SOD1: variants seen among roughly 807,000 people sequenced by gnomAD.
SOD1 encodes the protein superoxide dismutase [Cu-Zn].
Under a neutral mutation model 15.9 loss-of-function variants are expected in SOD1, and 8 were observed. The ratio of observed to expected loss-of-function variants is 0.50; its 90% confidence interval spans 0.30 to 0.91. The LOEUF (loss-of-function observed/expected upper bound fraction) is 0.91. Among genes scored for constraint, SOD1 ranks in the 40% least tolerant of loss-of-function variants. The pLI is 0.07. For synonymous variants in SOD1, 86 were observed against 71.2 expected (o/e 1.21, Z -1.04); for missense variants, 137 against 194.5 (o/e 0.70, Z 1.76).
At chr21:31,663,393 C>T (rs1410046752) in intron 1 of SOD1, among the ~76,000 whole-genome samples, 1 of 152,110 alleles carries the variant, frequency 6.6e-6, no homozygotes, top group African/African-American at 2.4e-5. Context: ...CAAATATAAC[C>T]TATTCAAAAG....
At chr21:31,660,614 C>T (rs905731184) in intron 1 of SOD1, 1 of 152,182 alleles carries the variant, frequency 6.6e-6, no homozygotes, top group Non-Finnish European at 1.5e-5. Context: ...GTGATCTTAA[C>T]TTTGGGTGCA....
Position 31,659,719 on chromosome 21 carries a change from G to C in SOD1, c.-51G>C. ...CGTCGTAGTCTCCTGCAGCGTCTGG[G>C]GTTTCCGTTGCAGTCCTCGGAACCA... is the stretch of plus-strand genomic sequence containing the variant. On this transcript the variant is annotated 5_prime_UTR_variant, in exon 1 of 5. Transcript: ENST00000270142. 6.3e-7 allele frequency: 1 copy of C among 1,578,990 alleles called. No homozygotes were observed. The highest frequency in any genetic ancestry group is 8.7e-7 in the Non-Finnish European group (1 of 1,148,390).
intron 3 of SOD1, 188 bp from the exon 4 acceptor site, chr21:31,667,070 C>T (rs2049599894): frequency 3.2e-6 from 2 of 632,170 alleles, no homozygotes; most frequent in Non-Finnish European, 2.9e-6. Flanking sequence ...AAATCAGGTG[C>T]AGCCCCATCT....
chr21:31,667,663 T>G (rs2049608175), intron 4 of SOD1, among the ~76,000 whole-genome samples: 1 of 152,240 alleles, frequency 6.6e-6, no homozygotes. Context: ...TGGCCAGATT[T>G]TCTTGCCAGG....
chr21:31,663,703 T>A (rs759369158), intron 1 of SOD1, 87 bp from the exon 2 acceptor site: 14 of 1,062,932 alleles, frequency 1.3e-5, no homozygotes, highest in Non-Finnish European at 1.9e-5. Flanking sequence ...CAAGTCTGGC[T>A]GCTTTTTACT....
chr21:31,668,612 C>T lies in SOD1; in HGVS notation c.*34C>T, dbSNP rs556141480. On this transcript the variant is annotated 3_prime_UTR_variant, in exon 5 of 5. Coordinates refer to ENST00000270142, the MANE Select transcript of SOD1 (RefSeq NM_000454.5). Reference sequence around the variant, plus strand: ...TTGGATGTAGTCTGAGGCCCCTTAACTCATCTGTTATCCTGCTAGCTGTAG... The same window carrying T: ...TTGGATGTAGTCTGAGGCCCCTTAATTCATCTGTTATCCTGCTAGCTGTAG... 2.1e-6 allele frequency: 3 copies of T among 1,402,972 alleles called. No homozygotes were observed. In the South Asian group the frequency reaches 3.5e-5, roughly 16 times the overall value. The allele number at this position is 1,402,972 out of a possible 1,614,324, so 86.9% of individuals were successfully genotyped here.
At chr21:31,667,437 A>C in intron 4 of SOD1, 62 bp downstream of exon 4, 2 of 1,186,422 alleles carry the variant, frequency 1.7e-6, no homozygotes, top group South Asian at 2.4e-5. Context: ...GTATCTTTTC[A>C]CTTTGATTGT....
chr21:31,659,932 C>T (rs950631215), intron 1 of SOD1, 91 bp downstream of exon 1: 2 of 1,332,872 alleles, frequency 1.5e-6, no homozygotes, highest in Admixed American at 3.6e-5. Context: ...GCCCGCCAGG[C>T]CTCGGGGCCG....
At chr21:31,664,859 G>A (rs1007455376) in intron 2 of SOD1, among the ~76,000 whole-genome samples, 8 of 151,796 alleles carry the variant, frequency 5.3e-5, no homozygotes, top group African/African-American at 1.5e-4. Context: ...CTCGTGATCC[G>A]CCTGTCTCAG....
At chr21:31,664,260 A>G (rs2049574256) in intron 2 of SOD1, 1 of 284,492 alleles carries the variant, frequency 3.5e-6, no homozygotes, top group Admixed American at 4.4e-5. Flanking sequence ...TGTGTGAGCC[A>G]CTGTGCCTGG....
intron 1 of SOD1, among the ~76,000 whole-genome samples, chr21:31,660,964 C>A (rs2049543849): frequency 6.6e-6 from 1 of 152,200 alleles, no homozygotes; most frequent in Non-Finnish European, 1.5e-5. Context: ...CTGAACGACT[C>A]TTGTAAAATA....
At chr21:31,665,925 G>C (rs1473870639) in intron 2 of SOD1, among the ~76,000 whole-genome samples, 3 of 151,864 alleles carry the variant, frequency 2.0e-5, no homozygotes, top group Non-Finnish European at 4.4e-5. Context: ...CCCAGAGAAG[G>C]GTGTTAACTT....
In SOD1 at chr21:31,668,609, T is replaced by A; in HGVS notation, c.*31T>A. On this transcript the variant is annotated 3_prime_UTR_variant, in exon 5 of 5. Transcript: ENST00000270142. ...CCCTTGGATGTAGTCTGAGGCCCCTTAACTCATCTGTTATCCTGCTAGCTG... is the reference window on the plus strand; with the variant it reads ...CCCTTGGATGTAGTCTGAGGCCCCTAAACTCATCTGTTATCCTGCTAGCTG... 7.0e-7 allele frequency: 1 copy of A among 1,435,316 alleles called. No homozygotes were observed. The highest frequency in any genetic ancestry group is 9.8e-7 in the Non-Finnish European group (1 of 1,016,528). The allele number at this position is 1,435,316 out of a possible 1,614,324, so 88.9% of individuals were successfully genotyped here. A position where few individuals can be genotyped will look rare whatever the true frequency, so the allele number is the denominator to read the frequency against.
chr21:31,664,588 C>T (rs889383964), intron 2 of SOD1: 1 of 153,384 alleles, frequency 6.5e-6, no homozygotes, highest in Non-Finnish European at 1.4e-5. Flanking sequence ...GATGTTTTGT[C>T]TTACAGCATC....
At chr21:31,660,882 C>T (rs1477762833) in intron 1 of SOD1, among the ~76,000 whole-genome samples, 1 of 152,210 alleles carries the variant, frequency 6.6e-6, no homozygotes, top group Non-Finnish European at 1.5e-5. Flanking sequence ...TTTCTTAAGC[C>T]ACATTTTCGT....
At position 31,668,730 on chromosome 21, in the gene SOD1, C is replaced by T. The variant is rs954213437; in HGVS notation, c.*152C>T. 3.0e-6 allele frequency: 2 copies of T among 663,076 alleles called. No individual in the cohort carries two copies. Among genetic ancestry groups the T allele is most frequent in the Non-Finnish European group, 5.5e-6 (2 of 366,902 alleles). 41.1% of individuals were successfully genotyped at this position (663,076 alleles called of 1,614,324 possible). A position where few individuals can be genotyped will look rare whatever the true frequency, so the allele number is the denominator to read the frequency against. ...GCTTTAAAGTACCTGTAGTGAGAAA[C>T]TGATTTATGATCACTTGGAAGATTT... On this transcript the variant is annotated 3_prime_UTR_variant, in exon 5 of 5. Transcript: ENST00000270142.
chr21:31,661,086 A>G (rs188511204), intron 1 of SOD1, among the ~76,000 whole-genome samples: 22 of 152,296 alleles, frequency 1.4e-4, no homozygotes, highest in Non-Finnish European at 2.6e-4. Context: ...ACTGGTGGAA[A>G]ATTTTCTCTT....
chr21:31,665,458 CT>C (rs1311628152), intron 2 of SOD1, among the ~76,000 whole-genome samples: 1 of 152,168 alleles, frequency 6.6e-6, no homozygotes, highest in Non-Finnish European at 1.5e-5. Context: ...CCCCGAGTTG[CT>C]TTTTGGCTTT....
chr21:31,667,520 A>G (rs1443358892), intron 4 of SOD1, 145 bp downstream of exon 4: 8 of 733,790 alleles, frequency 1.1e-5, no homozygotes, highest in South Asian at 2.9e-5. Context: ...TTATTGGACA[A>G]TTACGGTGAA....
Sources: allele counts gnomAD v4.1 joint callset (sites outside exome capture counted in the v4.1 genomes callset), GRCh38; gene constraint gnomAD v4.1.1; transcripts MANE v1.5; gene names NCBI Gene and HGNC (gene_info 2026-07-23, HGNC 2026-07-21).